Variants in KLHL29 observed in about 807,000 individuals in gnomAD.
The protein encoded by KLHL29 is kelch-like protein 29.
A neutral mutation model predicts 80.4 loss-of-function variants in KLHL29; 21 were observed. The ratio of observed to expected loss-of-function variants is 0.26; its 90% confidence interval spans 0.19 to 0.38. KLHL29 has a LOEUF of 0.38. KLHL29 is among the 10% of genes least tolerant of loss of function. The probability of loss-of-function intolerance (pLI) is 1.00; values close to 1 mark genes in which losing one functional copy is unlikely to be tolerated. For missense variants in KLHL29, 867 were observed against 1,223.9 expected (o/e 0.71, Z 4.35); for synonymous variants, 511 against 526.8 (o/e 0.97, Z 0.41).
At chr2:23,391,597 G>C (rs879588013) in intron 1 of KLHL29, among the ~76,000 whole-genome samples, 2 of 151,972 alleles carry the variant, frequency 1.3e-5, no homozygotes, top group Non-Finnish European at 2.9e-5. Context: ...CACTATACCC[G>C]GCTGATTTTG....
intron 2 of KLHL29, among the ~76,000 whole-genome samples, chr2:23,523,499 A>C (rs1558371931): frequency 6.6e-6 from 1 of 152,092 alleles, no homozygotes; most frequent in Non-Finnish European, 1.5e-5. Context: ...CCCCGCCAAA[A>C]TCCCTTTCAG....
intron 3 of KLHL29, among the ~76,000 whole-genome samples, chr2:23,567,819 C>A (rs906117922): frequency 3.3e-5 from 5 of 152,236 alleles, no homozygotes; most frequent in African/African-American, 1.2e-4. Context: ...CCGTGAATTT[C>A]CAGACTGCAA....
chr2:23,462,114 G>T (rs988938512), intron 1 of KLHL29, among the ~76,000 whole-genome samples: 10 of 151,908 alleles, frequency 6.6e-5, no homozygotes, highest in African/African-American at 2.2e-4. Flanking sequence ...TGACTGACAG[G>T]TGGGACTCAA....
At chr2:23,566,138 G>A (rs1667584141) in intron 3 of KLHL29, among the ~76,000 whole-genome samples, 1 of 152,222 alleles carries the variant, frequency 6.6e-6, no homozygotes, top group Non-Finnish European at 1.5e-5. Context: ...TTTGTCTGTG[G>A]CCTAAAGATT....
intron 2 of KLHL29, among the ~76,000 whole-genome samples, chr2:23,522,701 GGA>G (rs1193075873): frequency 2.0e-5 from 3 of 152,160 alleles, no homozygotes; most frequent in African/African-American, 7.2e-5. Context: ...CTCAGTCTCT[GGA>G]GAGAGAGTTT....
intron 2 of KLHL29, among the ~76,000 whole-genome samples, chr2:23,496,479 C>A (rs1354632080): frequency 6.6e-6 from 1 of 152,134 alleles, no homozygotes; most frequent in Non-Finnish European, 1.5e-5. Context: ...CCTGGTACCT[C>A]CTCCCTCTCC....
Position 23,703,287 on chromosome 2 carries a change from G to A in KLHL29, c.2207G>A (p.Gly736Asp), listed in dbSNP as rs1399474810. ...TGTGGCGGCAAGATCTACGTGTTTG[G>A]TGGGGTGAACGAGGCAGGCCGAGCT... is the stretch of plus-strand genomic sequence containing the variant. ...TVCGGKIYVF[G>D]GVNEAGRAAG... Residue 736 changes from glycine (G) to aspartate (D), a missense_variant, in exon 12 of 14, where the codon GGT (glycine) becomes GAT (aspartate). Transcript: ENST00000486442. 6.5e-7 allele frequency: 1 copy of A among 1,549,480 alleles called. No homozygotes were observed. The highest frequency in any genetic ancestry group is 8.7e-7 in the Non-Finnish European group (1 of 1,145,936).
chr2:23,514,846 G>A (rs139404081), intron 2 of KLHL29, among the ~76,000 whole-genome samples: 21 of 152,212 alleles, frequency 1.4e-4, no homozygotes, highest in African/African-American at 3.6e-4. Flanking sequence ...TCTTCCACCC[G>A]GAATGCTCTT....
At chr2:23,550,456 A>G (rs923098182) in intron 2 of KLHL29, among the ~76,000 whole-genome samples, 4 of 152,194 alleles carry the variant, frequency 2.6e-5, no homozygotes, top group Non-Finnish European at 5.9e-5. Context: ...AATCCTGCTC[A>G]CTGAAGTGGC....
Position 23,696,684 on chromosome 2 carries a change from T to C in KLHL29, c.2105+171T>C. On this transcript the variant is annotated intron_variant, in intron 11 of 13. Coordinates refer to ENST00000486442, the MANE Select transcript of KLHL29 (RefSeq NM_052920.2). This position sits in a 1 kb window ranked among gnomAD's most constrained non-coding sequence, Gnocchi z 5.5. ...AGTCACAGCACCGGGGGCAGCAGGGTGTGGGATACAAGCAGATGGGATGAC... is the reference window on the plus strand; with the variant it reads ...AGTCACAGCACCGGGGGCAGCAGGGCGTGGGATACAAGCAGATGGGATGAC... The C allele has an allele frequency of 6.9e-6, 4 of 578,220 alleles. No homozygotes were observed. The South Asian group carries it at 8.7e-5, about 13-fold the overall frequency. The allele number at this position is 578,220 out of a possible 1,614,324, so 35.8% of individuals were successfully genotyped here.
chr2:23,571,350 G>A (rs542860980), intron 3 of KLHL29, among the ~76,000 whole-genome samples: 3 of 152,252 alleles, frequency 2.0e-5, no homozygotes, highest in Non-Finnish European at 4.4e-5. Flanking sequence ...GCCTGACAAA[G>A]TGACCTCGTG....
chr2:23,502,999 G>A (rs1293963028), intron 2 of KLHL29, among the ~76,000 whole-genome samples: 1 of 151,882 alleles, frequency 6.6e-6, no homozygotes, highest in Non-Finnish European at 1.5e-5. Flanking sequence ...TTTTTGGCCT[G>A]TCTTACCTAC....
chr2:23,671,035 A>C (rs1670733155), intron 5 of KLHL29, among the ~76,000 whole-genome samples: 1 of 62,268 alleles, frequency 1.6e-5, no homozygotes, highest in African/African-American at 3.9e-5. Flanking sequence ...TCCTAACCTC[A>C]CATCCTCCCA....
chr2:23,406,643 C>T (rs1013885833), intron 1 of KLHL29, among the ~76,000 whole-genome samples: 3 of 152,036 alleles, frequency 2.0e-5, no homozygotes, highest in African/African-American at 7.2e-5. Context: ...TTTTGGTTCA[C>T]AATTTCGGTA....
intron 1 of KLHL29, among the ~76,000 whole-genome samples, chr2:23,393,818 G>A (rs115205597): frequency 6.6e-6 from 1 of 152,186 alleles, no homozygotes; most frequent in African/African-American, 2.4e-5. Context: ...CCACACAGGA[G>A]GTTTGGGGTG....
chr2:23,646,926 C>T (rs114660579), intron 5 of KLHL29, among the ~76,000 whole-genome samples: 358 of 152,292 alleles, frequency 2.4e-3, no homozygotes, highest in African/African-American at 8.0e-3. Context: ...CGGACATGTC[C>T]GTACATAGCA....
intron 3 of KLHL29, among the ~76,000 whole-genome samples, chr2:23,612,269 A>T (rs1668888734): frequency 6.6e-6 from 1 of 152,264 alleles, no homozygotes; most frequent in African/African-American, 2.4e-5. Context: ...AAGTACAATG[A>T]CAAAATATAT....
At chr2:23,439,897 T>C (rs576527044) in intron 1 of KLHL29, among the ~76,000 whole-genome samples, 1 of 152,128 alleles carries the variant, frequency 6.6e-6, no homozygotes, top group African/African-American at 2.4e-5. Flanking sequence ...ATCTGTCTAA[T>C]GTTGACAGTG....
chr2:23,584,038 C>T (rs956724661), intron 3 of KLHL29, among the ~76,000 whole-genome samples: 3 of 152,194 alleles, frequency 2.0e-5, no homozygotes, highest in Admixed American at 6.5e-5. Flanking sequence ...CAGTGATCCA[C>T]GGTGGGCCTT....
Sources: gnomAD v4.1 joint callset for allele counts (sites outside exome capture counted in the v4.1 genomes callset) on GRCh38, gnomAD v4.1.1 for gene constraint, Gnocchi (gnomAD v3.1) non-coding constraint, MANE v1.5 for transcripts, NCBI Gene and HGNC (gene_info 2026-07-23, HGNC 2026-07-21) for gene names.